CFHR3: variants seen among roughly 807,000 people sequenced by gnomAD.
The protein encoded by CFHR3 is complement factor H related 3.
CFHR3 carries 22 observed loss-of-function variants against 36.0 expected under a neutral mutation model. That is an observed-to-expected ratio of 0.61 (90% CI 0.44 to 0.87). The LOEUF (loss-of-function observed/expected upper bound fraction) is 0.87, where lower values mean the gene tolerates loss of function less well. Among genes scored for constraint, CFHR3 ranks in the 40% least tolerant of loss-of-function variants. CFHR3 has a pLI of 0.00. For synonymous variants in CFHR3, 97 were observed against 137.4 expected (o/e 0.71, Z 2.06); for missense variants, 276 against 401.3 (o/e 0.69, Z 2.67).
intron 3 of CFHR3, among the ~76,000 whole-genome samples, chr1:196,784,380 T>C (rs1258606428): frequency 7.4e-6 from 1 of 135,988 alleles, no homozygotes; most frequent in African/African-American, 3.1e-5. Flanking sequence ...ATCTCGTTGA[T>C]CTGTCTAATG....
intron 4 of CFHR3, among the ~76,000 whole-genome samples, 179 bp downstream of exon 4, chr1:196,788,577 C>A (rs1483703027): frequency 7.3e-6 from 1 of 137,188 alleles, no homozygotes; most frequent in Non-Finnish European, 1.5e-5. Flanking sequence ...GTAATGGCTA[C>A]TTGGGAAGAT....
intron 3 of CFHR3, among the ~76,000 whole-genome samples, chr1:196,785,234 A>G (rs1301206304): frequency 7.4e-6 from 1 of 135,670 alleles, no homozygotes; most frequent in Non-Finnish European, 1.6e-5. Flanking sequence ...GCTGCCCTTA[A>G]CATTTTTTCC....
In CFHR3 at chr1:196,780,093, G is replaced by C. The variant is rs1301386832; in HGVS notation, c.430+120G>C. On this transcript the variant is annotated intron_variant, in intron 3 of 5. Coordinates refer to ENST00000367425, the MANE Select transcript of CFHR3 (RefSeq NM_021023.6). ...GTTTTTGTCAACTTGTTTTGCCAAC[G>C]GACCTATTTAGTTTTACTTTTTTAA... 7.5e-5 allele frequency: 97 copies of C among 1,298,930 alleles called. 12 individuals are homozygous for C. The highest frequency in any genetic ancestry group is 9.0e-5 in the Non-Finnish European group (85 of 943,558). 80.5% of individuals were successfully genotyped at this position (1,298,930 alleles called of 1,614,324 possible). A position where few individuals can be genotyped will look rare whatever the true frequency, so the allele number is the denominator to read the frequency against.
intron 3 of CFHR3, among the ~76,000 whole-genome samples, chr1:196,783,503 G>A (rs1404295618): frequency 7.6e-6 from 1 of 131,194 alleles, no homozygotes; most frequent in East Asian, 2.0e-4. Context: ...TCTATTCAGA[G>A]ATTCAACTTC....
Position 196,785,575 on chromosome 1 carries a change from C to G in CFHR3, c.431-2641C>G, listed in dbSNP as rs1258495883. Among the ~76,000 whole-genome samples, 49 of 137,116 alleles carry G rather than the reference C, an allele frequency of 3.6e-4. 13 individuals carry two copies. The highest frequency in any genetic ancestry group is 1.4e-3 in the African/African-American group (46 of 32,854). 90.0% of individuals were successfully genotyped at this position (137,116 alleles called of 152,430 possible). A position where few individuals can be genotyped will look rare whatever the true frequency, so the allele number is the denominator to read the frequency against. On this transcript the variant is annotated intron_variant, in intron 3 of 5. Transcript: ENST00000367425. ...CATTTCATCTTCCATCACTGATACC[C>G]TTTCTTCCAGATGATCACATCGGCT...
chr1:196,791,287 A>G (rs426736), intron 5 of CFHR3, among the ~76,000 whole-genome samples: 37,966 of 135,238 alleles, frequency 0.28, 10,747 homozygotes, highest in East Asian at 0.5. Flanking sequence ...TCCCCCAAGT[A>G]CTATGAACTT....
intron 3 of CFHR3, among the ~76,000 whole-genome samples, chr1:196,781,393 G>A (rs590848): frequency 0.28 from 36,901 of 133,950 alleles, 10,242 homozygotes; most frequent in East Asian, 0.5. Flanking sequence ...TTCCACAATG[G>A]TTGAACTAGT....
In CFHR3 at chr1:196,774,859, T is replaced by C. The variant is rs778151364; in HGVS notation, c.-28T>C. The C allele has an allele frequency of 5.4e-6, 8 of 1,494,718 alleles. 2 individuals are homozygous for C. Among genetic ancestry groups the C allele is most frequent in the Non-Finnish European group, 6.4e-6 (7 of 1,099,824 alleles). The allele number at this position is 1,494,718 out of a possible 1,614,324, so 92.6% of individuals were successfully genotyped here. The stretch of plus-strand genomic sequence containing the variant: ...CCAAACAGTGCAACTGAAACTTTTG[T>C]ATTAGCATACTACTGAGAATATCTA... On this transcript the variant is annotated 5_prime_UTR_variant, in exon 1 of 6. Coordinates refer to ENST00000367425, the MANE Select transcript of CFHR3 (RefSeq NM_021023.6).
In CFHR3 at chr1:196,793,342, C is replaced by A. The variant is rs774681022; in HGVS notation, c.822C>A (p.Asn274Lys). 2.6e-6 allele frequency: 4 copies of A among 1,515,650 alleles called. No homozygotes were observed. The highest frequency in any genetic ancestry group is 3.6e-6 in the Non-Finnish European group (4 of 1,121,102). 93.9% of individuals were successfully genotyped at this position (1,515,650 alleles called of 1,614,324 possible). The change falls in exon 6 of 6, where the codon AAC becomes AAA. Residue 274 changes from asparagine to lysine, a missense_variant. Transcript: ENST00000367425. ...CIHPCIITEE[N>K]MNKNNIKLKG... ...ATCCATGTATAATAACTGAAGAAAACATGAATAAAAATAACATAAAGTTAA... is the reference window on the plus strand; with the variant it reads ...ATCCATGTATAATAACTGAAGAAAAAATGAATAAAAATAACATAAAGTTAA...
chr1:196,794,477 A>G lies in CFHR3; in HGVS notation c.*964A>G. 5.3e-6 allele frequency: 2 copies of G among 376,726 alleles called. No individual in the cohort carries two copies. Among genetic ancestry groups the G allele is most frequent in the South Asian group, 2.2e-5 (1 of 45,108 alleles). 23.3% of individuals were successfully genotyped at this position (376,726 alleles called of 1,614,324 possible). A position where few individuals can be genotyped will look rare whatever the true frequency, so the allele number is the denominator to read the frequency against. ...GACTCTGTCTTAAAAATAAATAAAT[A>G]GGATGCTGAAAATTCCTATTTAAGG... On this transcript the variant is annotated 3_prime_UTR_variant, in exon 6 of 6. Coordinates refer to ENST00000367425, the MANE Select transcript of CFHR3 (RefSeq NM_021023.6).
At chr1:196,789,275 A>T (rs1221936598) in intron 4 of CFHR3, 5 of 792,434 alleles carry the variant, frequency 6.3e-6, no homozygotes, top group Non-Finnish European at 7.5e-6. Flanking sequence ...ACAACATGGA[A>T]GACTCTCAAA....
rs780465842 is a variant in CFHR3 at position 196,793,194 on chromosome 1, A to G, written c.797-123A>G. On this transcript the variant is annotated intron_variant, in intron 5 of 5. Coordinates refer to ENST00000367425, the MANE Select transcript of CFHR3 (RefSeq NM_021023.6). ...TAACGTCAGTATGTAGCACAAGTTA[A>G]TAACTATTAACTATTTGGATTATTT... The G allele has an allele frequency of 5.7e-5, 55 of 963,976 alleles. 5 individuals are homozygous for G. The highest frequency in any genetic ancestry group is 4.4e-4 in the Middle Eastern group (1 of 2,262). 59.7% of individuals were successfully genotyped at this position (963,976 alleles called of 1,614,324 possible).
rs577284599 is a variant in CFHR3 at position 196,784,650 on chromosome 1, T to G, written c.431-3566T>G. Among the ~76,000 whole-genome samples, 68 of 136,232 alleles carry G rather than the reference T, an allele frequency of 5.0e-4. 11 individuals are homozygous for G. Among genetic ancestry groups the G allele is most frequent in the African/African-American group, 1.3e-3 (43 of 32,288 alleles). 89.4% of individuals were successfully genotyped at this position (136,232 alleles called of 152,430 possible). A position where few individuals can be genotyped will look rare whatever the true frequency, so the allele number is the denominator to read the frequency against. ...CCCCTGCCTTTTTTTGTTTTCCATT[T>G]GCTTGGTAGATCTTCCTCCATCCTT... On this transcript the variant is annotated intron_variant, in intron 3 of 5. Coordinates refer to ENST00000367425, the MANE Select transcript of CFHR3 (RefSeq NM_021023.6).
intron 5 of CFHR3, among the ~76,000 whole-genome samples, chr1:196,790,860 C>A (rs373659396): frequency 4.4e-5 from 6 of 135,834 alleles, no homozygotes; most frequent in Non-Finnish European, 9.3e-5. Flanking sequence ...TTAATGGATA[C>A]AATGAGTCTT....
intron 3 of CFHR3, among the ~76,000 whole-genome samples, chr1:196,785,367 G>A (rs1654153708): frequency 7.4e-6 from 1 of 134,478 alleles, no homozygotes; most frequent in Non-Finnish European, 1.6e-5. Flanking sequence ...CTAGATTGGG[G>A]AAGTTCTCCT....
In CFHR3 at chr1:196,794,620, T is replaced by C; in HGVS notation, c.*1107T>C. The C allele has an allele frequency of 1.0e-5, 4 of 392,660 alleles. 2 individuals are homozygous for C. The highest frequency in any genetic ancestry group is 8.4e-5 in the South Asian group (4 of 47,440). 24.3% of individuals were successfully genotyped at this position (392,660 alleles called of 1,614,324 possible). A position where few individuals can be genotyped will look rare whatever the true frequency, so the allele number is the denominator to read the frequency against. On this transcript the variant is annotated 3_prime_UTR_variant, in exon 6 of 6. Transcript: ENST00000367425. ...TCTTATTAAGTTTTGCTTCAGATTTTTTTTTGTCTTTTCTCCTGTTAATTG... is the reference window on the plus strand; with the variant it reads ...TCTTATTAAGTTTTGCTTCAGATTTCTTTTTGTCTTTTCTCCTGTTAATTG...
At position 196,779,974 on chromosome 1, in the gene CFHR3, G is replaced by A; in HGVS notation, c.430+1G>A. On this transcript the variant is annotated splice_donor_variant, in intron 3 of 5. Transcript: ENST00000367425. LOFTEE classifies it high-confidence loss of function. ...CCTACTCCCAGATGCATCCGTGTCAGTAAGTACACCGCTCTGAGATCCCAG... is the reference window on the plus strand; with the variant it reads ...CCTACTCCCAGATGCATCCGTGTCAATAAGTACACCGCTCTGAGATCCCAG... The A allele has an allele frequency of 1.3e-6, 2 of 1,532,912 alleles. 1 individual carries two copies. Among genetic ancestry groups the A allele is most frequent in the Non-Finnish European group, 1.8e-6 (2 of 1,133,002 alleles). The allele number at this position is 1,532,912 out of a possible 1,614,324, so 95.0% of individuals were successfully genotyped here.
chr1:196,793,408 T>A lies in CFHR3; in HGVS notation c.888T>A (p.Asp296Glu). ...GAAAATATTATGCAAAAACAGGGGATACCATTGAATTTATGTGTAAATTGG... is the reference window on the plus strand; with the variant it reads ...GAAAATATTATGCAAAAACAGGGGAAACCATTGAATTTATGTGTAAATTGG... ...SDRKYYAKTG[D>E]TIEFMCKLGY... The change falls in exon 6 of 6, where the codon GAT becomes GAA. Residue 296 changes from aspartate (D) to glutamate (E), a missense_variant. Around this residue, in one of 3 missense-constraint regions of CFHR3, gnomAD observed 76 missense variants for 79.8 expected, o/e 0.95. Transcript: ENST00000367425. 6.5e-7 allele frequency: 1 copy of A among 1,526,738 alleles called. No homozygotes were observed. The allele number at this position is 1,526,738 out of a possible 1,614,324, so 94.6% of individuals were successfully genotyped here. A position where few individuals can be genotyped will look rare whatever the true frequency, so the allele number is the denominator to read the frequency against.
At chr1:196,790,415 A>G (rs1654380104) in intron 5 of CFHR3, among the ~76,000 whole-genome samples, 188 bp downstream of exon 5, 1 of 129,954 alleles carries the variant, frequency 7.7e-6, no homozygotes, top group South Asian at 2.8e-4. Flanking sequence ...GTAAACAATG[A>G]CCAAGTTTCT....
Sources: gnomAD v4.1 joint callset for allele counts (sites outside exome capture counted in the v4.1 genomes callset) on GRCh38, gnomAD v4.1.1 for gene constraint, gnomAD v4.1.1 regional missense constraint, MANE v1.5 for transcripts, NCBI Gene and HGNC (gene_info 2026-07-23, HGNC 2026-07-21) for gene names.